Variants in PTPRM observed in about 807,000 individuals in gnomAD.
PTPRM encodes the protein receptor-type tyrosine-protein phosphatase mu.
Under a neutral mutation model 186.7 loss-of-function variants are expected in PTPRM, and 47 were observed. The observed-to-expected ratio is 0.25, with a 90% CI of 0.20 to 0.32. The LOEUF (loss-of-function observed/expected upper bound fraction) is 0.32. Ranked by LOEUF, PTPRM falls within the 10% of genes least tolerant of loss-of-function variation. The pLI is 1.00. For missense variants in PTPRM, 1,494 were observed against 1,865.0 expected (o/e 0.80, Z 3.66); for synonymous variants, 668 against 674.9 (o/e 0.99, Z 0.16).
At chr18:7,897,483 C>G (rs531688259) in intron 3 of PTPRM, among the ~76,000 whole-genome samples, 1 of 152,122 alleles carries the variant, frequency 6.6e-6, no homozygotes, top group Non-Finnish European at 1.5e-5. Flanking sequence ...CCGCAATACT[C>G]TGCATTTTGT....
chr18:8,221,692 A>G (rs770415557), intron 14 of PTPRM, among the ~76,000 whole-genome samples: 18 of 152,178 alleles, frequency 1.2e-4, no homozygotes, highest in Non-Finnish European at 2.2e-4. Flanking sequence ...GGGCTCGGCT[A>G]TTGTTACAGA....
chr18:8,085,796 C>T lies in PTPRM; in HGVS notation c.1677C>T (p.Tyr559=). Residue 559 remains tyrosine, a synonymous_variant, in exon 10 of 33, where the codon TAC becomes TAT. Transcript: ENST00000580170. Reference sequence around the variant, plus strand: ...TTGGACTGTATCCGGGGACCACATACTCCTTTACCATCCGAGCTAGCACAG... The same window carrying T: ...TTGGACTGTATCCGGGGACCACATATTCCTTTACCATCCGAGCTAGCACAG... The part of the protein sequence containing the change: ...LFFGLYPGTT[Y]SFTIRASTAK... 1 of 1,613,552 alleles carries T rather than the reference C, an allele frequency of 6.2e-7. No homozygotes were observed. The highest frequency in any genetic ancestry group is 1.7e-5 in the Admixed American group (1 of 59,958).
At position 8,240,649 on chromosome 18, in the gene PTPRM, GAGAGAA is replaced by G. The variant is rs1439528234; in HGVS notation, c.2301-3405_2301-3400del. 2.7e-3 allele frequency among the ~76,000 whole-genome samples: 94 copies of G among 34,630 alleles called. 2 individuals carry two copies. Among genetic ancestry groups the G allele is most frequent in the Admixed American group, 5.1e-3 (16 of 3,120 alleles). The allele number at this position is 34,630 out of a possible 152,430, so 22.7% of individuals were successfully genotyped here. A position where few individuals can be genotyped will look rare whatever the true frequency, so the allele number is the denominator to read the frequency against. The stretch of plus-strand genomic sequence containing the variant: ...AGAGAGAGAGAGAGAGAGAGAGAGA[GAGAGAA>G]AGAAAGAAAGAAAGAAAGAAAGAAA... On this transcript the variant is annotated intron_variant, in intron 14 of 32. Transcript: ENST00000580170.
chr18:8,346,817 A>AG (rs1350060611), intron 23 of PTPRM, among the ~76,000 whole-genome samples: 1 of 150,486 alleles, frequency 6.6e-6, no homozygotes, highest in African/African-American at 2.4e-5. Context: ...TGAAAAAAAA[A>AG]AGGCCAACTC....
intron 14 of PTPRM, among the ~76,000 whole-genome samples, chr18:8,238,438 C>G (rs2147225239): frequency 6.6e-6 from 1 of 152,170 alleles, no homozygotes; most frequent in East Asian, 1.9e-4. Context: ...TTTTTTGTCT[C>G]TAGCGTTTCT....
intron 23 of PTPRM, among the ~76,000 whole-genome samples, chr18:8,349,370 T>C (rs796992373): frequency 6.6e-6 from 1 of 152,244 alleles, no homozygotes; most frequent in South Asian, 2.1e-4. Flanking sequence ...TTTATAGACA[T>C]TGCTGACAGT....
intron 2 of PTPRM, among the ~76,000 whole-genome samples, chr18:7,837,949 A>T (rs563100195): frequency 6.6e-6 from 1 of 152,256 alleles, no homozygotes; most frequent in African/African-American, 2.4e-5. Context: ...TTTTCCAGAT[A>T]TTCTAAAGGA....
intron 2 of PTPRM, among the ~76,000 whole-genome samples, chr18:7,880,664 C>T (rs1004928992): frequency 1.3e-5 from 2 of 152,130 alleles, no homozygotes; most frequent in African/African-American, 4.8e-5. Context: ...GGCTTTGTTC[C>T]CTTTGAGCTT....
intron 5 of PTPRM, among the ~76,000 whole-genome samples, chr18:7,948,460 A>G (rs967197201): frequency 1.3e-5 from 2 of 152,172 alleles, no homozygotes; most frequent in African/African-American, 4.8e-5. Context: ...AAGTGTGCAT[A>G]ACTAAAAGGG....
intron 14 of PTPRM, among the ~76,000 whole-genome samples, chr18:8,239,672 T>G (rs75600812): frequency 6.6e-6 from 1 of 152,276 alleles, no homozygotes; most frequent in Non-Finnish European, 1.5e-5. Flanking sequence ...TCTCTCCAAT[T>G]TGGGGGGCAG....
chr18:8,362,684 A>G (rs1263585530), intron 23 of PTPRM, among the ~76,000 whole-genome samples: 2 of 152,176 alleles, frequency 1.3e-5, no homozygotes, highest in African/African-American at 4.8e-5. Flanking sequence ...TCCCTTATGA[A>G]GCTTTGCATA....
intron 19 of PTPRM, among the ~76,000 whole-genome samples, chr18:8,259,863 G>A (rs533569082): frequency 6.6e-5 from 10 of 152,000 alleles, no homozygotes; most frequent in African/African-American, 2.2e-4. Flanking sequence ...GGCTGGTCTC[G>A]AACTCCTGAC....
intron 20 of PTPRM, among the ~76,000 whole-genome samples, chr18:8,303,213 GGTAGATCTA>G (rs1353591804): frequency 2.6e-5 from 4 of 152,080 alleles, no homozygotes; most frequent in East Asian, 1.9e-4. Context: ...GTGTCCTGTT[GGTAGATCTA>G]GTAGATCTAG....
chr18:7,769,500 C>T (rs991794119), intron 1 of PTPRM, among the ~76,000 whole-genome samples: 8 of 152,162 alleles, frequency 5.3e-5, no homozygotes, highest in Non-Finnish European at 8.8e-5. Flanking sequence ...CTTCTTTGCA[C>T]TGGCTACCCC....
At chr18:7,845,014 T>C (rs982250303) in intron 2 of PTPRM, among the ~76,000 whole-genome samples, 2 of 152,202 alleles carry the variant, frequency 1.3e-5, no homozygotes, top group East Asian at 1.9e-4. Flanking sequence ...TTAAGGTTTT[T>C]ATAGACAGTA....
chr18:8,069,279 T>C (rs1340866194), intron 7 of PTPRM, among the ~76,000 whole-genome samples: 1 of 152,186 alleles, frequency 6.6e-6, no homozygotes, highest in Non-Finnish European at 1.5e-5. Flanking sequence ...GGCTCCTCCT[T>C]CATCATTGCT....
Position 8,406,624 on chromosome 18 carries a change from G to A in PTPRM, c.*462G>A, listed in dbSNP as rs576633519. 221 of 158,364 alleles carry A rather than the reference G, an allele frequency of 1.4e-3. 2 individuals carry two copies. Among genetic ancestry groups the A allele is most frequent in the African/African-American group, 5.1e-3 (214 of 41,568 alleles). The allele number at this position is 158,364 out of a possible 1,614,324, so 9.8% of individuals were successfully genotyped here. A position where few individuals can be genotyped will look rare whatever the true frequency, so the allele number is the denominator to read the frequency against. ...AACATGTTGCATAATATATGCTTAT[G>A]TAGCTTTCCAGGACTAACAGATAAA... On this transcript the variant is annotated 3_prime_UTR_variant, in exon 33 of 33. Transcript: ENST00000580170.
In PTPRM at chr18:8,391,832, C is replaced by T. The variant is rs139220333; in HGVS notation, c.4209-2644C>T. Reference sequence around the variant, plus strand: ...CTTAAAACCATAAAACAAGGGACAACCAGATATTTTTGGCTTGCTTCCTAA... The same window carrying T: ...CTTAAAACCATAAAACAAGGGACAATCAGATATTTTTGGCTTGCTTCCTAA... On this transcript the variant is annotated intron_variant, in intron 31 of 32. Transcript: ENST00000580170. Among the ~76,000 whole-genome samples, 165 of 152,290 alleles carry T rather than the reference C, an allele frequency of 1.1e-3. 1 individual carries two copies. Among genetic ancestry groups the T allele is most frequent in the Non-Finnish European group, 2.0e-3 (133 of 68,016 alleles).
intron 1 of PTPRM, among the ~76,000 whole-genome samples, chr18:7,665,463 G>A (rs904763512): frequency 3.9e-5 from 6 of 152,176 alleles, no homozygotes; most frequent in Admixed American, 1.3e-4. Context: ...GGCATACTAT[G>A]TAAGATCAGG....
Sources: allele counts gnomAD v4.1 joint callset (sites outside exome capture counted in the v4.1 genomes callset), GRCh38; gene constraint gnomAD v4.1.1; transcripts MANE v1.5; gene names NCBI Gene and HGNC (gene_info 2026-07-23, HGNC 2026-07-21).